Variants in TRIM38 observed in about 807,000 individuals in gnomAD.
TRIM38 encodes E3 ubiquitin-protein ligase TRIM38.
A neutral mutation model predicts 35.8 loss-of-function variants in TRIM38; 35 were observed. That is an observed-to-expected ratio of 0.98 (90% confidence interval 0.75 to 1.30). The LOEUF (loss-of-function observed/expected upper bound fraction) is 1.30. TRIM38 is among the 50% of genes most tolerant of loss of function. TRIM38 has a pLI of 0.00. For synonymous variants in TRIM38, 198 were observed against 204.7 expected, an observed-to-expected ratio of 0.97 and a Z score of 0.28; for missense variants, 545 against 556.9, an observed-to-expected ratio of 0.98 and a Z score of 0.21.
intron 7 of TRIM38, among the ~76,000 whole-genome samples, chr6:25,978,655 C>T (rs1760463575): frequency 6.6e-6 from 1 of 151,764 alleles, no homozygotes; most frequent in Non-Finnish European, 1.5e-5. Context: ...AACAGGCCAC[C>T]ATACCTGGCT....
In TRIM38 at chr6:25,987,212, C is replaced by A. The variant is rs746940172; in HGVS notation, c.*3525C>A. ...CTTAACAAAGGTACTCCCCGCCCCCCGCCCGCCACACACCATCCCCAAAAG... is the reference window on the plus strand; with the variant it reads ...CTTAACAAAGGTACTCCCCGCCCCCAGCCCGCCACACACCATCCCCAAAAG... On this transcript the variant is annotated 3_prime_UTR_variant, in exon 8 of 8. Transcript: ENST00000357085. 11 of 55,852 alleles carry A rather than the reference C, an allele frequency of 2.0e-4. 1 individual carries two copies. Among genetic ancestry groups the A allele is most frequent in the African/African-American group, 3.3e-4 (8 of 23,924 alleles). 3.5% of individuals were successfully genotyped at this position (55,852 alleles called of 1,614,324 possible). A position where few individuals can be genotyped will look rare whatever the true frequency, so the allele number is the denominator to read the frequency against.
At chr6:25,971,368 C>G (rs1400884780) in intron 4 of TRIM38, among the ~76,000 whole-genome samples, 1 of 152,184 alleles carries the variant, frequency 6.6e-6, no homozygotes, top group Non-Finnish European at 1.5e-5. Context: ...TGGGGACATT[C>G]TTCCAGCTTC....
Position 25,971,937 on chromosome 6 carries a change from G to A in TRIM38, c.576G>A (p.Glu192=), listed in dbSNP as rs1196482317. ...AGAATCTCCAGTGTTTCCTACATGA[G>A]GAAGAGAAGTCTTATCTCTGGAGGC... ...DFKNLQCFLH[E]EEKSYLWRLE... is the part of the protein sequence containing the mutation. The change falls in exon 5 of 8, where the codon GAG becomes GAA. Residue 192 remains glutamate (E), a synonymous_variant. Transcript: ENST00000357085. 1.9e-6 allele frequency: 3 copies of A among 1,614,024 alleles called. No homozygotes were observed. Among genetic ancestry groups the A allele is most frequent in the Non-Finnish European group, 2.5e-6 (3 of 1,180,032 alleles).
chr6:25,987,212 C>G lies in TRIM38; in HGVS notation c.*3525C>G, dbSNP rs746940172. 1.8e-5 allele frequency: 1 copy of G among 55,852 alleles called. No individual in the cohort carries two copies. The highest frequency in any genetic ancestry group is 4.2e-5 in the African/African-American group (1 of 23,924). The allele number at this position is 55,852 out of a possible 1,614,324, so 3.5% of individuals were successfully genotyped here. On this transcript the variant is annotated 3_prime_UTR_variant, in exon 8 of 8. Transcript: ENST00000357085. ...CTTAACAAAGGTACTCCCCGCCCCCCGCCCGCCACACACCATCCCCAAAAG... is the reference window on the plus strand; with the variant it reads ...CTTAACAAAGGTACTCCCCGCCCCCGGCCCGCCACACACCATCCCCAAAAG...
intron 7 of TRIM38, chr6:25,975,525 A>C: frequency 1.2e-6 from 1 of 821,028 alleles, no homozygotes; most frequent in Non-Finnish European, 1.5e-6. Flanking sequence ...GATAGGAATA[A>C]ATTTTATTTT....
intron 3 of TRIM38, 104 bp downstream of exon 3, chr6:25,967,037 C>T: frequency 8.3e-7 from 1 of 1,198,878 alleles, no homozygotes; most frequent in Non-Finnish European, 1.2e-6. Context: ...CTTGGAAATA[C>T]AGCTTTCATC....
chr6:25,966,888 A>G lies in TRIM38; in HGVS notation c.366A>G (p.Lys122=). Residue 122 remains lysine (K), a synonymous_variant, in exon 3 of 8, where the codon AAA becomes AAG. Transcript: ENST00000357085. ...GCTGTGAGCGGGCACCACAGCACAA[A>G]GGGCACACCACAGCTCTTGTTGAAG... ...CWRCERAPQH[K]GHTTALVEDV... The G allele has an allele frequency of 6.2e-7, 1 of 1,613,974 alleles. No homozygotes were observed. The highest frequency in any genetic ancestry group is 8.5e-7 in the Non-Finnish European group (1 of 1,179,854).
intron 7 of TRIM38, among the ~76,000 whole-genome samples, chr6:25,974,626 T>C (rs1356143633): frequency 6.6e-6 from 1 of 152,228 alleles, no homozygotes; most frequent in Non-Finnish European, 1.5e-5. Flanking sequence ...GATGAGACTA[T>C]TTAAAAGTCT....
At chr6:25,982,012 T>C (rs139583165) in intron 7 of TRIM38, among the ~76,000 whole-genome samples, 3 of 152,304 alleles carry the variant, frequency 2.0e-5, no homozygotes, top group Admixed American at 6.5e-5. Flanking sequence ...TCTGTCATAA[T>C]GTAAAAGAGT....
At chr6:25,967,416 C>G (rs903544728) in intron 3 of TRIM38, among the ~76,000 whole-genome samples, 19 of 150,954 alleles carry the variant, frequency 1.3e-4, no homozygotes, top group Non-Finnish European at 2.8e-4. Context: ...AGTGGTTCAT[C>G]TTAGAAGTAA....
At position 25,973,915 on chromosome 6, in the gene TRIM38, T is replaced by C. The variant is rs566185393; in HGVS notation, c.874+630T>C. On this transcript the variant is annotated intron_variant, in intron 7 of 7. Coordinates refer to ENST00000357085, the MANE Select transcript of TRIM38 (RefSeq NM_006355.5). The stretch of plus-strand genomic sequence containing the variant: ...ACTTTCACAAATTTGTATCCGTAAG[T>C]ACAAAATCAAAAAAACCCCTGAAAA... 6.1e-6 allele frequency: 6 copies of C among 977,758 alleles called. No homozygotes were observed. In the East Asian group the frequency reaches 4.6e-4, roughly 74 times the overall value. 60.6% of individuals were successfully genotyped at this position (977,758 alleles called of 1,614,324 possible). A position where few individuals can be genotyped will look rare whatever the true frequency, so the allele number is the denominator to read the frequency against.
chr6:25,975,551 G>GTTTATT, intron 7 of TRIM38: 1 of 915,334 alleles, frequency 1.1e-6, no homozygotes, highest in Non-Finnish European at 1.3e-6. Context: ...TTAAATGTAT[G>GTTTATT]TTTATTTTAT....
intron 4 of TRIM38, among the ~76,000 whole-genome samples, chr6:25,970,772 G>C (rs1760206481): frequency 6.6e-6 from 1 of 152,030 alleles, no homozygotes; most frequent in Non-Finnish European, 1.5e-5. Context: ...TTTAAGATAA[G>C]TAGAGAGTTT....
At position 25,989,551 on chromosome 6, in the gene TRIM38, G is replaced by C. The variant is rs1368965336; in HGVS notation, c.*5864G>C. On this transcript the variant is annotated 3_prime_UTR_variant, in exon 8 of 8. Coordinates refer to ENST00000357085, the MANE Select transcript of TRIM38 (RefSeq NM_006355.5). The stretch of plus-strand genomic sequence containing the variant: ...TTTTTTTTTAATAGAGACGGGTCTT[G>C]CTACAGTGCCCAGGCTGGTCTCGAA... 1 of 115,010 alleles carries C rather than the reference G, an allele frequency of 8.7e-6. No homozygotes were observed. The highest frequency in any genetic ancestry group is 1.6e-5 in the Non-Finnish European group (1 of 60,674). The allele number at this position is 115,010 out of a possible 1,614,324, so 7.1% of individuals were successfully genotyped here. A position where few individuals can be genotyped will look rare whatever the true frequency, so the allele number is the denominator to read the frequency against.
intron 5 of TRIM38, 121 bp downstream of exon 5, chr6:25,972,220 G>T: frequency 5.7e-6 from 5 of 880,678 alleles, no homozygotes; most frequent in Middle Eastern, 2.3e-4. Context: ...GTGCCATCAG[G>T]CTGGCCTTCA....
intron 7 of TRIM38, among the ~76,000 whole-genome samples, chr6:25,978,428 A>G (rs1760457681): frequency 6.6e-6 from 1 of 152,140 alleles, no homozygotes; most frequent in African/African-American, 2.4e-5. Flanking sequence ...GGAATACTAT[A>G]TATCTAATAA....
chr6:25,967,427 C>G (rs1760090277), intron 3 of TRIM38, among the ~76,000 whole-genome samples: 1 of 151,452 alleles, frequency 6.6e-6, no homozygotes, highest in Admixed American at 6.6e-5. Flanking sequence ...TTAGAAGTAA[C>G]TCCTGAAGGA....
chr6:25,969,373 T>A lies in TRIM38; in HGVS notation c.460T>A (p.Cys154Ser). 2 of 1,613,064 alleles carry A rather than the reference T, an allele frequency of 1.2e-6. No individual in the cohort carries two copies. Among genetic ancestry groups the A allele is most frequent in the South Asian group, 2.2e-5 (2 of 90,682 alleles). The change falls in exon 4 of 8, where the codon TGT becomes AGT. Residue 154 changes from cysteine to serine, a missense_variant. Coordinates refer to ENST00000357085, the MANE Select transcript of TRIM38 (RefSeq NM_006355.5). ...AAAACTGAAGCAACTTGAAGACAGA[T>A]GTACGGAGCAGAAGCTGTCCACAGC... ...VTKLKQLEDR[C>S]TEQKLSTAMR... is the part of the protein sequence containing the mutation.
chr6:25,964,901 T>A (rs527787097), intron 2 of TRIM38, among the ~76,000 whole-genome samples: 2 of 151,108 alleles, frequency 1.3e-5, no homozygotes, highest in South Asian at 4.2e-4. Context: ...AACCTCCCCC[T>A]CCGGAGCTCA....
Sources: allele counts gnomAD v4.1 joint callset (sites outside exome capture counted in the v4.1 genomes callset), GRCh38; gene constraint gnomAD v4.1.1; transcripts MANE v1.5; gene names NCBI Gene and HGNC (gene_info 2026-07-23, HGNC 2026-07-21).